Variants in VWA5B1 observed in about 807,000 individuals in gnomAD.
The protein encoded by VWA5B1 is von Willebrand factor A domain containing 5B1.
In VWA5B1, 115 loss-of-function variants were observed where a neutral mutation model predicts 118.2. The observed-to-expected ratio is 0.97, with a 90% confidence interval of 0.84 to 1.14. The LOEUF (loss-of-function observed/expected upper bound fraction) is 1.14. Among genes scored for constraint, VWA5B1 ranks in the 50% most tolerant of loss-of-function variants. The pLI, the probability that VWA5B1 is intolerant of heterozygous loss-of-function variation, is 0.00. For missense variants in VWA5B1, 1,596 were observed against 1,603.8 expected (o/e 1.00, Z 0.08); for synonymous variants, 682 against 658.4 (o/e 1.04, Z -0.55).
chr1:20,308,258 A>C (rs2088726385), intron 1 of VWA5B1, among the ~76,000 whole-genome samples: 1 of 151,962 alleles, frequency 6.6e-6, no homozygotes, highest in African/African-American at 2.4e-5. Flanking sequence ...ATGCTGAGGG[A>C]GTCTGCCGTC....
chr1:20,307,867 AT>A (rs140283307), intron 1 of VWA5B1, among the ~76,000 whole-genome samples: 24,253 of 145,312 alleles, frequency 0.17, 2,826 homozygotes, highest in African/African-American at 0.34. Flanking sequence ...ATGTGTGTGT[AT>A]TTTTTTTAAG....
rs1230363551 is a variant in VWA5B1 at position 20,344,227 on chromosome 1, CTCTT to C, written c.2626+835_2626+838del. ...CTCTTCTCTCCTGCCTCATTTCTCTCTCTTATGGGCGCCCCATTTCCCAGTGCTT... is the reference window on the plus strand; with the variant it reads ...CTCTTCTCTCCTGCCTCATTTCTCTCATGGGCGCCCCATTTCCCAGTGCTT... On this transcript the variant is annotated intron_variant, in intron 16 of 21. Coordinates refer to ENST00000289815, the MANE Select transcript of VWA5B1 (RefSeq NM_001039500.3). 3.9e-5 allele frequency among the ~76,000 whole-genome samples: 6 copies of C among 151,974 alleles called. No homozygotes were observed. The South Asian group carries it at 8.3e-4, about 21-fold the overall frequency.
chr1:20,350,318 T>C, intron 19 of VWA5B1, 88 bp downstream of exon 19: 2 of 1,423,670 alleles, frequency 1.4e-6, no homozygotes, highest in Non-Finnish European at 1.9e-6. Context: ...ACCGACAAAG[T>C]CCTCAGGGCT....
Position 20,345,512 on chromosome 1 carries a change from A to G in VWA5B1, c.2683A>G (p.Ile895Val), listed in dbSNP as rs748002980. The G allele has an allele frequency of 4.5e-6, 7 of 1,551,338 alleles. No individual in the cohort carries two copies. The highest frequency in any genetic ancestry group is 2.0e-5 in the Admixed American group (1 of 51,000). Residue 895 changes from isoleucine to valine, a missense_variant, in exon 17 of 22, where the codon ATT becomes GTT. Ile to Val is a conservative substitution (Grantham distance 29, BLOSUM62 3). Transcript: ENST00000289815. ...GCACACCAGCAAGGCCTGCAACATC[A>G]TTAGCAAATACACAGCCTTCGTGCC... ...ALHTSKACNI[I>V]SKYTAFVPVD...
rs1177561628 is a variant in VWA5B1, at chr1:20,358,618, A to C, written c.*4355A>C. 1.3e-5 allele frequency among the ~76,000 whole-genome samples: 2 copies of C among 152,132 alleles called. No individual in the cohort carries two copies. Among genetic ancestry groups the C allele is most frequent in the Non-Finnish European group, 2.9e-5 (2 of 68,030 alleles). ...CTATGTGCCCATTATAACATCTCTA[A>C]GTGGTCTCTAGAATCAAATGCACTC... On this transcript the variant is annotated 3_prime_UTR_variant, in exon 22 of 22. Transcript: ENST00000289815.
intron 12 of VWA5B1, among the ~76,000 whole-genome samples, chr1:20,335,946 G>T (rs2089703659): frequency 6.6e-6 from 1 of 152,082 alleles, no homozygotes; most frequent in Non-Finnish European, 1.5e-5. Flanking sequence ...GTTGATCAAG[G>T]GTGAACTGTA....
chr1:20,319,570 C>G, intron 7 of VWA5B1, 64 bp downstream of exon 7: 1 of 1,541,128 alleles, frequency 6.5e-7, no homozygotes, highest in Non-Finnish European at 8.8e-7. Context: ...GGCCTGGTCT[C>G]CACTGAACAA....
At chr1:20,299,385 G>A (rs753118425) in intron 1 of VWA5B1, among the ~76,000 whole-genome samples, 2 of 152,088 alleles carry the variant, frequency 1.3e-5, no homozygotes, top group Non-Finnish European at 2.9e-5. Flanking sequence ...TCGTGCTCCA[G>A]TTTTGGTTTT....
Position 20,345,481 on chromosome 1 carries a change from C to T in VWA5B1, c.2652C>T (p.Ser884=), listed in dbSNP as rs766432055. 1.4e-5 allele frequency: 21 copies of T among 1,551,058 alleles called. No homozygotes were observed. Among genetic ancestry groups the T allele is most frequent in the East Asian group, 2.4e-5 (1 of 40,928 alleles). The part of the protein sequence containing the change: ...EQGSNRRYQV[S]ALHTSKACNI... The stretch of plus-strand genomic sequence containing the variant: ...GGTCCAACCGCCGCTACCAAGTGAG[C>T]GCCTTGCACACCAGCAAGGCCTGCA... The change falls in exon 17 of 22, where the codon AGC becomes AGT. Residue 884 remains serine (S), a synonymous_variant. Coordinates refer to ENST00000289815, the MANE Select transcript of VWA5B1 (RefSeq NM_001039500.3).
rs1557843793 is a variant in VWA5B1, at chr1:20,319,383, G to A, written c.843G>A (p.Glu281=). ...RPVEILIHPS[E]PHMPHVLIEK... The stretch of plus-strand genomic sequence containing the variant: ...TGAAAGTCGATCTCATCTCTGCAGA[G>A]CCCCATATGCCCCATGTCCTGATAG... The change falls in exon 7 of 22, where the codon GAG becomes GAA. Residue 281 remains glutamate, a splice_region_variant and synonymous_variant. Coordinates refer to ENST00000289815, the MANE Select transcript of VWA5B1 (RefSeq NM_001039500.3). 1.3e-6 allele frequency: 2 copies of A among 1,551,722 alleles called. No individual in the cohort carries two copies. Among genetic ancestry groups the A allele is most frequent in the East Asian group, 2.4e-5 (1 of 40,924 alleles).
At chr1:20,309,607 G>A (rs1570079247) in intron 1 of VWA5B1, among the ~76,000 whole-genome samples, 1 of 152,232 alleles carries the variant, frequency 6.6e-6, no homozygotes, top group East Asian at 1.9e-4. Flanking sequence ...ACCCCACAGA[G>A]CCACAGGCCA....
At chr1:20,325,498 G>C (rs539142885) in intron 8 of VWA5B1, among the ~76,000 whole-genome samples, 1 of 152,228 alleles carries the variant, frequency 6.6e-6, no homozygotes, top group South Asian at 2.1e-4. Flanking sequence ...TTTTCCTGCT[G>C]AGCCTGGACT....
intron 17 of VWA5B1, among the ~76,000 whole-genome samples, 160 bp downstream of exon 17, chr1:20,345,753 G>T (rs1288420640): frequency 1.3e-5 from 2 of 152,224 alleles, no homozygotes; most frequent in Admixed American, 1.3e-4. Flanking sequence ...GCTGCTAGGG[G>T]GTGGGCGCCC....
At chr1:20,349,974 C>T (rs1557450739) in intron 18 of VWA5B1, among the ~76,000 whole-genome samples, 182 bp from the exon 19 acceptor site, 2 of 152,096 alleles carry the variant, frequency 1.3e-5, no homozygotes, top group African/African-American at 4.8e-5. Context: ...CCTGTCTAAC[C>T]TTATGGTGGG....
chr1:20,307,791 T>C (rs568819602), intron 1 of VWA5B1, among the ~76,000 whole-genome samples: 1 of 147,414 alleles, frequency 6.8e-6, no homozygotes, highest in African/African-American at 2.5e-5. Context: ...GTTTATTCTT[T>C]CCAAGGGGTT....
At chr1:20,349,233 C>T (rs1024891638) in intron 18 of VWA5B1, 19 of 443,598 alleles carry the variant, frequency 4.3e-5, no homozygotes, top group Non-Finnish European at 8.7e-5. Flanking sequence ...CATTGGCCTC[C>T]AAAACCCAGG....
At chr1:20,338,266 C>T (rs1437150769) in intron 14 of VWA5B1, 1 of 355,750 alleles carries the variant, frequency 2.8e-6, no homozygotes, top group Non-Finnish European at 5.6e-6. Context: ...CCTTCAAAGC[C>T]TTTTATTCCC....
rs2090284966 is a variant in VWA5B1 at position 20,359,474 on chromosome 1, C to G, written c.*5211C>G. ...GAAATGGCTTCTTTGTACATGGTGG[C>G]TACCATTATCTAGGCTTTGAGCTGA... On this transcript the variant is annotated 3_prime_UTR_variant, in exon 22 of 22. Transcript: ENST00000289815. 6.6e-6 allele frequency among the ~76,000 whole-genome samples: 1 copy of G among 152,160 alleles called. No homozygotes were observed. Among genetic ancestry groups the G allele is most frequent in the South Asian group, 2.1e-4 (1 of 4,830 alleles).
intron 8 of VWA5B1, among the ~76,000 whole-genome samples, chr1:20,325,224 C>G (rs2100902537): frequency 6.6e-6 from 1 of 152,306 alleles, no homozygotes; most frequent in South Asian, 2.1e-4. Flanking sequence ...TACTGTTCCA[C>G]TAAAAAATTC....
Sources: gnomAD v4.1 joint callset for allele counts (sites outside exome capture counted in the v4.1 genomes callset) on GRCh38, gnomAD v4.1.1 for gene constraint, MANE v1.5 for transcripts, NCBI Gene and HGNC (gene_info 2026-07-23, HGNC 2026-07-21) for gene names.